The following CHRNA3 variants were observed in gnomAD, a reference collection of about 807,000 sequenced individuals.
CHRNA3 encodes the protein neuronal acetylcholine receptor subunit alpha-3.
CHRNA3 carries 34 observed loss-of-function variants against 41.9 expected under a neutral mutation model. That is an observed-to-expected ratio of 0.81 (90% CI 0.62 to 1.08). CHRNA3 has a LOEUF of 1.08. CHRNA3 is among the 50% of genes least tolerant of loss of function. The pLI is 0.00. For missense variants in CHRNA3, 542 were observed against 638.3 expected (o/e 0.85, Z 1.63); for synonymous variants, 281 against 265.2 (o/e 1.06, Z -0.58).
Position 78,618,816 on chromosome 15 carries a change from A to C in CHRNA3, c.182T>G (p.Ile61Ser). 1 of 1,614,134 alleles carries C rather than the reference A, an allele frequency of 6.2e-7. No individual in the cohort carries two copies. The change falls in exon 2 of 6, where the codon ATC (isoleucine) becomes AGC (serine). Residue 61 changes from isoleucine to serine, a missense_variant. Coordinates refer to ENST00000326828, the MANE Select transcript of CHRNA3 (RefSeq NM_000743.5). ...RPVANVSDPV[I>S]IHFEVSMSQL... ...AGACATGGACACCTCGAAATGGATG[A>C]TGACTGGGTCAGACACGTTGGCTAC...
At chr15:78,620,689 G>T (rs893963994) in intron 1 of CHRNA3, 24 bp downstream of exon 1, 71 of 1,502,860 alleles carry the variant, frequency 4.7e-5, no homozygotes, top group Non-Finnish European at 6.3e-5. Flanking sequence ...CGTCCCTCCG[G>T]AGCCCTAACG....
intron 4 of CHRNA3, among the ~76,000 whole-genome samples, chr15:78,610,994 A>G (rs1215715485): frequency 6.6e-6 from 1 of 152,178 alleles, no homozygotes; most frequent in Non-Finnish European, 1.5e-5. Flanking sequence ...ATTCCTGGAC[A>G]CATACACTCT....
chr15:78,620,713 C>T lies in CHRNA3; in HGVS notation c.82G>A (p.Val28Met). Residue 28 changes from valine to methionine, a missense_variant and splice_region_variant, in exon 1 of 6, where the codon GTG becomes ATG. Transcript: ENST00000326828. The stretch of plus-strand genomic sequence containing the variant: ...GGAGCCCTAACGCCTGTGCGCGTAC[C>T]TGGCAGCAGAGACAGCAGCAGCAGC... The part of the protein sequence containing the change: ...LLLLLLSLLP[V>M]ARASEAEHRL... 6.7e-7 allele frequency: 1 copy of T among 1,495,868 alleles called. No individual in the cohort carries two copies. The highest frequency in any genetic ancestry group is 8.8e-7 in the Non-Finnish European group (1 of 1,131,488). 92.7% of individuals were successfully genotyped at this position (1,495,868 alleles called of 1,614,324 possible). A position where few individuals can be genotyped will look rare whatever the true frequency, so the allele number is the denominator to read the frequency against.
At chr15:78,615,142 G>C (rs562352329) in intron 4 of CHRNA3, among the ~76,000 whole-genome samples, 1 of 152,182 alleles carries the variant, frequency 6.6e-6, no homozygotes, top group Non-Finnish European at 1.5e-5. Context: ...CCACCCAGAC[G>C]GGCTGGGAGC....
chr15:78,601,084 C>T (rs2053189142), intron 5 of CHRNA3, among the ~76,000 whole-genome samples, 169 bp downstream of exon 5: 1 of 151,956 alleles, frequency 6.6e-6, no homozygotes, highest in Non-Finnish European at 1.5e-5. Context: ...AGAAAACAGG[C>T]TCAGAGAGGT....
In CHRNA3 at chr15:78,601,286, A is replaced by G. The variant is rs773945107; in HGVS notation, c.1356T>C (p.Ala452=). 2.5e-6 allele frequency: 4 copies of G among 1,613,756 alleles called. No homozygotes were observed. The Admixed American group carries it at 6.7e-5, about 27-fold the overall frequency. ...KEAIQSVKYI[A]ENMKAQNEAK... is the part of the protein sequence containing the mutation. ...CTTCATTTTGTGCTTTCATATTTTC[A>G]GCAATATACTTGACACTTTGGATGG... The change falls in exon 5 of 6, where the codon GCT becomes GCC. Residue 452 remains alanine, a synonymous_variant. Transcript: ENST00000326828.
chr15:78,614,367 CTGTTGAGTTTATATTG>C (rs1281873614), intron 4 of CHRNA3, among the ~76,000 whole-genome samples: 5 of 152,188 alleles, frequency 3.3e-5, no homozygotes, highest in African/African-American at 9.6e-5. Flanking sequence ...ATCTGCAAGC[CTGTTGAGTTTATATTG>C]TGTCCCAGTT....
chr15:78,619,086 A>G, intron 1 of CHRNA3, 171 bp from the exon 2 acceptor site: 1 of 713,106 alleles, frequency 1.4e-6, no homozygotes, highest in Non-Finnish European at 2.3e-6. Flanking sequence ...TGGGAAACTG[A>G]GGCCCAAGAG....
intron 4 of CHRNA3, among the ~76,000 whole-genome samples, chr15:78,613,424 C>G (rs2053410748): frequency 1.3e-5 from 2 of 152,084 alleles, no homozygotes; most frequent in African/African-American, 4.8e-5. Flanking sequence ...TTTGTAGGGA[C>G]ATGGATGAAA....
chr15:78,593,661 A>G (rs1029035252), downstream of CHRNA3: 2 of 154,182 alleles, frequency 1.3e-5, no homozygotes, highest in African/African-American at 4.8e-5. Context: ...ACTGAGTAAC[A>G]GCTAATCTTT....
Position 78,596,554 on chromosome 15 carries a change from C to A in CHRNA3, c.*50G>T. 1 of 1,437,722 alleles carries A rather than the reference C, an allele frequency of 7.0e-7. No homozygotes were observed. Among genetic ancestry groups the A allele is most frequent in the South Asian group, 1.7e-5 (1 of 59,462 alleles). The allele number at this position is 1,437,722 out of a possible 1,614,324, so 89.1% of individuals were successfully genotyped here. The stretch of plus-strand genomic sequence containing the variant: ...TACGTTCTTACTAGGAAGCAGCCTC[C>A]TCCTGCCCTGACACAAGGAAGTCTC... On this transcript the variant is annotated 3_prime_UTR_variant, in exon 6 of 6. Transcript: ENST00000326828.
chr15:78,607,004 G>A (rs111725959), intron 4 of CHRNA3, among the ~76,000 whole-genome samples: 41,699 of 152,036 alleles, frequency 0.27, 6,665 homozygotes, highest in Non-Finnish European at 0.37. Context: ...GAGGCGGGCA[G>A]ATCATTTGAA....
chr15:78,618,852 A>T lies in CHRNA3; in HGVS notation c.146T>A (p.Ile49Asn), dbSNP rs747297519. ...FERLFEDYNE[I>N]IRPVANVSDP... is the part of the protein sequence containing the mutation. ...AGACACGTTGGCTACAGGCCGGATG[A>T]TCTCATTGTAATCTTCAAACAGCCG... Residue 49 changes from isoleucine (I) to asparagine (N), a missense_variant, in exon 2 of 6, where the codon ATC (isoleucine) becomes AAC (asparagine). Ile to Asn is a moderately radical substitution (Grantham distance 149). Coordinates refer to ENST00000326828, the MANE Select transcript of CHRNA3 (RefSeq NM_000743.5). The T allele has an allele frequency of 2.5e-6, 4 of 1,614,024 alleles. No homozygotes were observed. Among genetic ancestry groups the T allele is most frequent in the Non-Finnish European group, 2.5e-6 (3 of 1,180,008 alleles).
chr15:78,616,611 G>A (rs1405595026), intron 4 of CHRNA3, among the ~76,000 whole-genome samples: 4 of 152,092 alleles, frequency 2.6e-5, no homozygotes, highest in African/African-American at 9.7e-5. Flanking sequence ...CTTGGCCCAT[G>A]GATCTTTCCA....
chr15:78,615,941 T>A (rs939371556), intron 4 of CHRNA3, among the ~76,000 whole-genome samples: 1 of 150,604 alleles, frequency 6.6e-6, no homozygotes, highest in Non-Finnish European at 1.5e-5. Flanking sequence ...GGGGTTTTGG[T>A]ATATTGGCCA....
chr15:78,601,584 A>G lies in CHRNA3; in HGVS notation c.1058T>C (p.Val353Ala). ...KTVFLNLLPRVMFMTRPTSNE... is the reference protein window; with the variant it reads ...KTVFLNLLPRAMFMTRPTSNE... ...GCTTGTTGGCCTGGTCATGAACATG[A>G]CCCTGGGGAGCAGGTTCAAGAATAC... Residue 353 changes from valine (V) to alanine (A), a missense_variant, in exon 5 of 6, where the codon GTC becomes GCC. Transcript: ENST00000326828. The G allele has an allele frequency of 6.2e-7, 1 of 1,611,336 alleles. No homozygotes were observed. Among genetic ancestry groups the G allele is most frequent in the Non-Finnish European group, 8.5e-7 (1 of 1,179,424 alleles).
intron 3 of CHRNA3, among the ~76,000 whole-genome samples, chr15:78,617,442 G>C (rs1409314974): frequency 6.6e-6 from 1 of 152,182 alleles, no homozygotes; most frequent in East Asian, 1.9e-4. Flanking sequence ...GCCAGGTGGA[G>C]ACTCCTGGAC....
Position 78,617,071 on chromosome 15 carries a change from A to G in CHRNA3, c.330T>C (p.Arg110=), listed in dbSNP as rs199957690. The G allele has an allele frequency of 6.2e-6, 10 of 1,613,820 alleles. No individual in the cohort carries two copies. The African/African-American group carries it at 1.2e-4, about 19-fold the overall frequency. The change falls in exon 4 of 6, where the codon CGT becomes CGC. Residue 110 remains arginine (R), a synonymous_variant. Transcript: ENST00000326828. ...PSDYGGAEFM[R]VPAQKIWKPD... ...GCTTCCAGATCTTCTGTGCAGGGACACGCATGAACTCTGCCCCACCATAGT... is the reference window on the plus strand; with the variant it reads ...GCTTCCAGATCTTCTGTGCAGGGACGCGCATGAACTCTGCCCCACCATAGT...
At position 78,616,387 on chromosome 15, in the gene CHRNA3, A is replaced by C. The variant is rs538520573; in HGVS notation, c.377+637T>G. Reference sequence around the variant, plus strand: ...CCCCCCAAAAAAAAAGCTCCTTGGTAACCATGCCAGTCAGCAGGCTGGGAA... The same window carrying C: ...CCCCCCAAAAAAAAAGCTCCTTGGTCACCATGCCAGTCAGCAGGCTGGGAA... On this transcript the variant is annotated intron_variant, in intron 4 of 5. Coordinates refer to ENST00000326828, the MANE Select transcript of CHRNA3 (RefSeq NM_000743.5). Among the ~76,000 whole-genome samples the C allele has an allele frequency of 9.2e-5, 11 of 120,154 alleles. No homozygotes were observed. The East Asian group carries it at 2.3e-3, about 26-fold the overall frequency. The allele number at this position is 120,154 out of a possible 152,430, so 78.8% of individuals were successfully genotyped here.
Sources: gnomAD v4.1 joint callset for allele counts (sites outside exome capture counted in the v4.1 genomes callset) on GRCh38, gnomAD v4.1.1 for gene constraint, MANE v1.5 for transcripts, NCBI Gene and HGNC (gene_info 2026-07-23, HGNC 2026-07-21) for gene names.